The following PTPRN2 variants were observed in gnomAD, a reference collection of about 807,000 sequenced individuals.
PTPRN2 encodes protein tyrosine phosphatase receptor type N2, also known as receptor-type tyrosine-protein phosphatase N2.
PTPRN2 carries 74 observed loss-of-function variants against 118.8 expected under a neutral mutation model. The ratio of observed to expected loss-of-function variants is 0.62; its 90% CI spans 0.52 to 0.76. The LOEUF (loss-of-function observed/expected upper bound fraction) is 0.76. PTPRN2 is among the 30% of genes least tolerant of loss of function. The pLI, the probability that PTPRN2 is intolerant of heterozygous loss-of-function variation, is 0.00. For synonymous variants in PTPRN2, 641 were observed against 608.0 expected (o/e 1.05, Z -0.80); for missense variants, 1,481 against 1,394.4 (o/e 1.06, Z -0.99).
chr7:157,976,310 T>C (rs968278064), intron 11 of PTPRN2, among the ~76,000 whole-genome samples: 1 of 152,232 alleles, frequency 6.6e-6, no homozygotes, highest in African/African-American at 2.4e-5. Flanking sequence ...CCAGCAGAGT[T>C]GAGACCCAGC....
intron 4 of PTPRN2, among the ~76,000 whole-genome samples, chr7:158,200,247 CA>C (rs1204968980): frequency 6.6e-6 from 1 of 151,998 alleles, no homozygotes; most frequent in Admixed American, 6.6e-5. Flanking sequence ...AATCAGGCAA[CA>C]AAAACAAAGA....
At chr7:158,337,577 C>T (rs1348933889) in intron 2 of PTPRN2, among the ~76,000 whole-genome samples, 1 of 139,204 alleles carries the variant, frequency 7.2e-6, no homozygotes, top group African/African-American at 2.7e-5. Context: ...TAATTGGTGA[C>T]ACCTGCAGAC....
At chr7:158,506,412 G>A (rs564430200) in intron 1 of PTPRN2, among the ~76,000 whole-genome samples, 14 of 152,182 alleles carry the variant, frequency 9.2e-5, no homozygotes, top group Non-Finnish European at 1.3e-4. Context: ...AAGTGACACC[G>A]GCCACACAGG....
chr7:158,562,410 C>G (rs527926973), intron 1 of PTPRN2, among the ~76,000 whole-genome samples: 1 of 152,308 alleles, frequency 6.6e-6, no homozygotes, highest in South Asian at 2.1e-4. Flanking sequence ...AACACATGCA[C>G]TTGCGGGGAC....
intron 1 of PTPRN2, among the ~76,000 whole-genome samples, chr7:158,492,343 C>T (rs1334568421): frequency 6.6e-6 from 1 of 152,250 alleles, no homozygotes; most frequent in Admixed American, 6.5e-5. Context: ...CACGTTCTAA[C>T]TCCATGTTTG....
At chr7:158,306,839 A>C (rs1257198096) in intron 3 of PTPRN2, among the ~76,000 whole-genome samples, 1 of 150,360 alleles carries the variant, frequency 6.7e-6, no homozygotes, top group Non-Finnish European at 1.5e-5. Context: ...CAAAGACTTT[A>C]AATGAGCTGT....
intron 21 of PTPRN2, among the ~76,000 whole-genome samples, chr7:157,556,497 CACAT>C (rs981825267): frequency 1.4e-5 from 2 of 145,448 alleles, no homozygotes; most frequent in African/African-American, 5.2e-5. Flanking sequence ...CAGATGCACA[CACAT>C]ACACACACAG....
intron 2 of PTPRN2, among the ~76,000 whole-genome samples, chr7:158,355,793 G>A (rs1163441043): frequency 1.3e-5 from 2 of 152,240 alleles, no homozygotes; most frequent in South Asian, 2.1e-4. Context: ...CGCAGGGGAA[G>A]AGCGTGAGCG....
intron 2 of PTPRN2, among the ~76,000 whole-genome samples, chr7:158,359,913 G>C (rs1808723138): frequency 2.0e-5 from 3 of 152,202 alleles, no homozygotes; most frequent in South Asian, 4.2e-4. Context: ...TAACACTGGA[G>C]ATGTCAGCTG....
At chr7:157,751,769 A>G (rs939981589) in intron 12 of PTPRN2, among the ~76,000 whole-genome samples, 1 of 144,458 alleles carries the variant, frequency 6.9e-6, no homozygotes, top group Admixed American at 6.9e-5. Context: ...CCTTTGTTTC[A>G]TGTTCACCAA....
At chr7:158,153,751 T>C (rs1190630707) in intron 6 of PTPRN2, among the ~76,000 whole-genome samples, 1 of 152,086 alleles carries the variant, frequency 6.6e-6, no homozygotes, top group Non-Finnish European at 1.5e-5. Context: ...GGATATCATC[T>C]GATTGACAAA....
intron 2 of PTPRN2, among the ~76,000 whole-genome samples, chr7:158,468,866 A>T (rs975960576): frequency 6.6e-6 from 1 of 152,034 alleles, no homozygotes; most frequent in African/African-American, 2.4e-5. Flanking sequence ...ATCGATCAAG[A>T]GTATGCACAC....
chr7:157,650,725 G>T (rs765830441), intron 14 of PTPRN2, among the ~76,000 whole-genome samples: 10 of 152,226 alleles, frequency 6.6e-5, no homozygotes, highest in African/African-American at 9.6e-5. Context: ...CCAGGGGAGC[G>T]CCTGCCAAGG....
chr7:158,012,775 G>A lies in PTPRN2; in HGVS notation c.1723+68523C>T, dbSNP rs559998262. Among the ~76,000 whole-genome samples, 25 of 152,332 alleles carry A rather than the reference G, an allele frequency of 1.6e-4. No homozygotes were observed. The East Asian group carries it at 3.9e-3, about 24-fold the overall frequency. The stretch of plus-strand genomic sequence containing the variant: ...GCATTCCAAGAGCAGGGATGAGAAA[G>A]AGAAATGAAGGAGCAAAGGCACATA... On this transcript the variant is annotated intron_variant, in intron 11 of 22. Transcript: ENST00000389418.
chr7:158,278,499 T>C (rs1799188719), intron 3 of PTPRN2, among the ~76,000 whole-genome samples: 1 of 152,136 alleles, frequency 6.6e-6, no homozygotes, highest in Non-Finnish European at 1.5e-5. Context: ...TGAGCTGAGA[T>C]CGCACCATTT....
At chr7:157,595,494 TGGTGTTTAGGAAGCCC>T (rs1464686172) in intron 16 of PTPRN2, among the ~76,000 whole-genome samples, 179 bp from the exon 17 acceptor site, 22 of 129,108 alleles carry the variant, frequency 1.7e-4, no homozygotes, top group African/African-American at 6.9e-4. Flanking sequence ...TTAGGAAGCC[TGGTGTTTAGGAAGCCC>T]GGAGGTTAGG....
In PTPRN2 at chr7:157,915,521, A is replaced by G. The variant is rs892555904; in HGVS notation, c.1724-16784T>C. ...AAGCAGTTTACCATCCTCCAGCCCA[A>G]TGGAGAGCTGAGAAGACACTCTATC... On this transcript the variant is annotated intron_variant, in intron 11 of 22. Coordinates refer to ENST00000389418, the MANE Select transcript of PTPRN2 (RefSeq NM_002847.5). Among the ~76,000 whole-genome samples the G allele has an allele frequency of 2.1e-5, 3 of 145,256 alleles. No individual in the cohort carries two copies. In the Admixed American group the frequency reaches 2.1e-4, roughly 10 times the overall value.
chr7:157,901,116 G>A (rs1375516021), intron 11 of PTPRN2, among the ~76,000 whole-genome samples: 1 of 152,232 alleles, frequency 6.6e-6, no homozygotes, highest in Non-Finnish European at 1.5e-5. Context: ...GGAAGCAGGA[G>A]AGGGCGGAGG....
chr7:158,569,703 GGA>G (rs1437818735), intron 1 of PTPRN2, among the ~76,000 whole-genome samples: 3 of 148,760 alleles, frequency 2.0e-5, no homozygotes, highest in Non-Finnish European at 3.0e-5. Flanking sequence ...CCGCCTGACA[GGA>G]ACGCGGGGCG....
Sources: allele counts gnomAD v4.1 joint callset (sites outside exome capture counted in the v4.1 genomes callset), GRCh38; gene constraint gnomAD v4.1.1; transcripts MANE v1.5; gene names NCBI Gene and HGNC (gene_info 2026-07-23, HGNC 2026-07-21).